The following ZNF426 variants were observed in gnomAD, a reference collection of about 807,000 sequenced individuals.
ZNF426 encodes CTC-543D15.7.
Under a neutral mutation model 24.0 loss-of-function variants are expected in ZNF426, and 23 were observed. That is an observed-to-expected ratio of 0.96 (90% confidence interval 0.69 to 1.36). The LOEUF is 1.36. Among genes scored for constraint, ZNF426 ranks in the 40% most tolerant of loss-of-function variants. ZNF426 has a pLI of 0.00. For missense variants in ZNF426, 646 were observed against 658.4 expected (o/e 0.98, Z 0.21); for synonymous variants, 272 against 224.6 (o/e 1.21, Z -1.89).
At chr19:9,532,770 T>G in intron 6 of ZNF426, 75 bp downstream of exon 6, 1 of 1,161,828 alleles carries the variant, frequency 8.6e-7, no homozygotes, top group Non-Finnish European at 1.3e-6. Flanking sequence ...AAGTACATGT[T>G]AAAAAGTTTC....
At chr19:9,534,518 A>G (rs1489971884) in intron 4 of ZNF426, among the ~76,000 whole-genome samples, 1 of 152,116 alleles carries the variant, frequency 6.6e-6, no homozygotes, top group Non-Finnish European at 1.5e-5. Context: ...ATCTCATCTT[A>G]TTTCCATCTA....
intron 5 of ZNF426, among the ~76,000 whole-genome samples, chr19:9,533,435 G>C (rs1320326954): frequency 6.6e-6 from 1 of 152,226 alleles, no homozygotes; most frequent in African/African-American, 2.4e-5. Flanking sequence ...CAGCCTGCGT[G>C]ACAGAGTGAA....
chr19:9,525,270 A>G lies in ZNF426; in HGVS notation c.*3110T>C, dbSNP rs1440833018. ...TCTCAAAAAAAATAAAAATAAAAAT[A>G]AAAATAAAAATAAAAATAAAAAGGA... On this transcript the variant is annotated 3_prime_UTR_variant, in exon 8 of 8. Coordinates refer to ENST00000253115, the MANE Select transcript of ZNF426 (RefSeq NM_024106.3). 1 of 151,814 alleles carries G rather than the reference A, an allele frequency of 6.6e-6. No homozygotes were observed. The highest frequency in any genetic ancestry group is 1.5e-5 in the Non-Finnish European group (1 of 67,992). The allele number at this position is 151,814 out of a possible 1,614,324, so 9.4% of individuals were successfully genotyped here.
intron 3 of ZNF426, among the ~76,000 whole-genome samples, chr19:9,535,865 G>A: frequency 6.6e-6 from 1 of 151,348 alleles, no homozygotes; most frequent in Non-Finnish European, 1.5e-5. Flanking sequence ...GAAAGAAAAT[G>A]CAAACATACA....
chr19:9,537,739 C>T (rs905940718), intron 2 of ZNF426, among the ~76,000 whole-genome samples: 7 of 152,120 alleles, frequency 4.6e-5, no homozygotes, highest in African/African-American at 1.7e-4. Flanking sequence ...CAACGTCCGC[C>T]TCCTGGGTTC....
chr19:9,538,120 T>C (rs2073996053), intron 2 of ZNF426, 139 bp downstream of exon 2: 1 of 152,174 alleles, frequency 6.6e-6, no homozygotes, highest in African/African-American at 2.4e-5. Flanking sequence ...AAAAAGCATC[T>C]TTATCTTTCG....
chr19:9,537,330 C>T (rs1599722272), intron 2 of ZNF426, among the ~76,000 whole-genome samples: 2 of 152,150 alleles, frequency 1.3e-5, no homozygotes, highest in East Asian at 3.9e-4. Flanking sequence ...GTCACAAAAA[C>T]CACAGTTCTG....
At position 9,523,802 on chromosome 19, in the gene ZNF426, T is replaced by A. The variant is rs1364547884; in HGVS notation, c.*4578A>T. 6.6e-6 allele frequency: 1 copy of A among 152,334 alleles called. No homozygotes were observed. The highest frequency in any genetic ancestry group is 2.4e-5 in the African/African-American group (1 of 41,468). The allele number at this position is 152,334 out of a possible 1,614,324, so 9.4% of individuals were successfully genotyped here. On this transcript the variant is annotated 3_prime_UTR_variant, in exon 8 of 8. Coordinates refer to ENST00000253115, the MANE Select transcript of ZNF426 (RefSeq NM_024106.3). ...TGCCACTGCTGATCTGACAGAAAGT[T>A]GAGCTCAGGCAGTAATGTTTGCTCA...
Position 9,528,700 on chromosome 19 carries a change from T to C in ZNF426, c.1345A>G (p.Thr449Ala), listed in dbSNP as rs2073830169. The change falls in exon 8 of 8, where the codon ACC becomes GCC. Residue 449 changes from threonine to alanine, a missense_variant. Coordinates refer to ENST00000253115, the MANE Select transcript of ZNF426 (RefSeq NM_024106.3). ...AAAGCCTTCCCACATTCCTTACAGG[T>C]GTATGGTTTCTGGGCACTGTGCGTT... ...MRTHSAQKPY[T>A]CKECGKAFNY... 3 of 1,613,654 alleles carry C rather than the reference T, an allele frequency of 1.9e-6. No homozygotes were observed. Among genetic ancestry groups the C allele is most frequent in the East Asian group, 2.2e-5 (1 of 44,838 alleles).
rs1354434734 is a variant in ZNF426, at chr19:9,535,259, G to A, written c.46C>T (p.Pro16Ser). 7 of 1,612,946 alleles carry A rather than the reference G, an allele frequency of 4.3e-6. No individual in the cohort carries two copies. Among genetic ancestry groups the A allele is most frequent in the Non-Finnish European group, 5.9e-6 (7 of 1,179,414 alleles). ...GTCTTTTCTTCATGAAGGCAAACTG[G>A]GTCCCCAGAAAGATAATGTCCTGTA... Reference protein sequence around the residue: ...LSHGHYLSGDPVCLHEEKTPA... With the variant: ...LSHGHYLSGDSVCLHEEKTPA... The change falls in exon 4 of 8, where the codon CCA becomes TCA. Residue 16 changes from proline to serine, a missense_variant. Physicochemically the swap from Pro to Ser is moderately conservative, Grantham distance 74. Transcript: ENST00000253115.
chr19:9,535,265 C>T lies in ZNF426; in HGVS notation c.40G>A (p.Gly14Arg). ...ADLSHGHYLS[G>R]DPVCLHEEKT... is the part of the protein sequence containing the mutation. The stretch of plus-strand genomic sequence containing the variant: ...TCTTCATGAAGGCAAACTGGGTCCC[C>T]AGAAAGATAATGTCCTGTAAGAAAA... Residue 14 changes from glycine to arginine, a missense_variant, in exon 4 of 8, where the codon GGG (glycine) becomes AGG (arginine). Coordinates refer to ENST00000253115, the MANE Select transcript of ZNF426 (RefSeq NM_024106.3). The T allele has an allele frequency of 6.2e-7, 1 of 1,612,970 alleles. No homozygotes were observed. Among genetic ancestry groups the T allele is most frequent in the Non-Finnish European group, 8.5e-7 (1 of 1,179,310 alleles).
chr19:9,528,659 G>A lies in ZNF426; in HGVS notation c.1386C>T (p.His462=). The change falls in exon 8 of 8, where the codon CAC becomes CAT. Residue 462 remains histidine (H), a synonymous_variant. Coordinates refer to ENST00000253115, the MANE Select transcript of ZNF426 (RefSeq NM_024106.3). Reference sequence around the variant, plus strand: ...TGTGGATTCGCATGTGAATTTTAAGGTGGGTGGAATAGTTAAAAGCCTTCC... The same window carrying A: ...TGTGGATTCGCATGTGAATTTTAAGATGGGTGGAATAGTTAAAAGCCTTCC... The part of the protein sequence containing the change: ...ECGKAFNYST[H]LKIHMRIHTG... The A allele has an allele frequency of 1.9e-6, 3 of 1,613,990 alleles. No homozygotes were observed. Among genetic ancestry groups the A allele is most frequent in the Non-Finnish European group, 2.5e-6 (3 of 1,180,002 alleles).
At chr19:9,529,753 G>A in intron 7 of ZNF426, 117 bp from the exon 8 acceptor site, 1 of 921,366 alleles carries the variant, frequency 1.1e-6, no homozygotes, top group Non-Finnish European at 1.6e-6. Flanking sequence ...TTTATTACAT[G>A]CATTCAGGTC....
In ZNF426 at chr19:9,536,376, AT is replaced by A; in HGVS notation, c.-124-21del. 6.4e-7 allele frequency: 1 copy of A among 1,558,992 alleles called. No individual in the cohort carries two copies. The highest frequency in any genetic ancestry group is 2.3e-5 in the East Asian group (1 of 42,596). On this transcript the variant is annotated intron_variant, in intron 2 of 7. Coordinates refer to ENST00000253115, the MANE Select transcript of ZNF426 (RefSeq NM_024106.3). The stretch of plus-strand genomic sequence containing the variant: ...GGATTCCTGTTGGTATTAATCAATA[AT>A]CAACAAGCAGTACTTAATCATCAGC...
chr19:9,531,559 C>T (rs2073884032), intron 6 of ZNF426, among the ~76,000 whole-genome samples: 1 of 151,828 alleles, frequency 6.6e-6, no homozygotes, highest in African/African-American at 2.4e-5. Flanking sequence ...AAAAATTGGC[C>T]AAGACAAGGA....
rs1196191896 is a variant in ZNF426, at chr19:9,525,148, C to T, written c.*3232G>A. 6.6e-6 allele frequency: 1 copy of T among 151,346 alleles called. No homozygotes were observed. The highest frequency in any genetic ancestry group is 2.4e-5 in the African/African-American group (1 of 41,174). 9.4% of individuals were successfully genotyped at this position (151,346 alleles called of 1,614,324 possible). A position where few individuals can be genotyped will look rare whatever the true frequency, so the allele number is the denominator to read the frequency against. The stretch of plus-strand genomic sequence containing the variant: ...CCTGTAGTCCCAGCTACTCGGGAGG[C>T]TGAGGCAGGAGAATGGCGTGAACCC... On this transcript the variant is annotated 3_prime_UTR_variant, in exon 8 of 8. Coordinates refer to ENST00000253115, the MANE Select transcript of ZNF426 (RefSeq NM_024106.3).
chr19:9,534,836 C>G (rs1005138118), intron 4 of ZNF426, among the ~76,000 whole-genome samples: 5 of 151,976 alleles, frequency 3.3e-5, no homozygotes, highest in African/African-American at 1.2e-4. Flanking sequence ...CTCAAGCAAT[C>G]TGCCTGCCTC....
At chr19:9,532,179 C>T (rs1307123925) in intron 6 of ZNF426, among the ~76,000 whole-genome samples, 11 of 151,612 alleles carry the variant, frequency 7.3e-5, no homozygotes, top group Admixed American at 7.2e-4. Flanking sequence ...GGATGATTCA[C>T]ACCCCAGGCA....
At chr19:9,532,274 TTTTC>T (rs1345724734) in intron 6 of ZNF426, among the ~76,000 whole-genome samples, 8 of 149,174 alleles carry the variant, frequency 5.4e-5, no homozygotes, top group African/African-American at 1.8e-4. Flanking sequence ...ATTTTTCTTT[TTTTC>T]TTTTTTTTTT....
Sources: allele counts gnomAD v4.1 joint callset (sites outside exome capture counted in the v4.1 genomes callset), GRCh38; gene constraint gnomAD v4.1.1; transcripts MANE v1.5; gene names NCBI Gene and HGNC (gene_info 2026-07-23, HGNC 2026-07-21).